Variants in ZFHX3 observed in about 807,000 individuals in gnomAD.
The protein encoded by ZFHX3 is zinc finger homeobox protein 3.
Under a neutral mutation model 279.1 loss-of-function variants are expected in ZFHX3, and 42 were observed. The ratio of observed to expected loss-of-function variants is 0.15; its 90% CI spans 0.12 to 0.19. The LOEUF is 0.19. Ranked by LOEUF, ZFHX3 falls within the 10% of genes least tolerant of loss-of-function variation. The pLI is 1.00. For synonymous variants in ZFHX3, 2,293 were observed against 1,957.8 expected, an observed-to-expected ratio of 1.17 and a Z score of -4.52; for missense variants, 4,981 against 4,754.0, an observed-to-expected ratio of 1.05 and a Z score of -1.40.
At chr16:73,519,981 G>A (rs978796346) in intron 2 of ZFHX3, among the ~76,000 whole-genome samples, 3 of 152,082 alleles carry the variant, frequency 2.0e-5, no homozygotes, top group Non-Finnish European at 2.9e-5. Flanking sequence ...TAAAATTATG[G>A]TATTTTAATA....
intron 5 of ZFHX3, among the ~76,000 whole-genome samples, chr16:73,210,402 A>G (rs2011969737): frequency 6.6e-6 from 1 of 152,098 alleles, no homozygotes; most frequent in Admixed American, 6.6e-5. Flanking sequence ...AGTTTGAAAA[A>G]ATATAAATAT....
chr16:72,848,051 C>T (rs1257772873), intron 4 of ZFHX3, among the ~76,000 whole-genome samples: 1 of 152,198 alleles, frequency 6.6e-6, no homozygotes, highest in African/African-American at 2.4e-5. Flanking sequence ...TGCCCCAAGA[C>T]TTCATCCATC....
chr16:73,168,680 G>A (rs1334185812), intron 5 of ZFHX3, among the ~76,000 whole-genome samples: 1 of 152,186 alleles, frequency 6.6e-6, no homozygotes, highest in Non-Finnish European at 1.5e-5. Context: ...TCCCCAGACT[G>A]TTGGGAATGT....
chr16:73,214,843 C>CATTT (rs781227170), intron 5 of ZFHX3, among the ~76,000 whole-genome samples: 1 of 79,250 alleles, frequency 1.3e-5, no homozygotes, highest in Non-Finnish European at 2.2e-5. Flanking sequence ...TGCTGAAGGC[C>CATTT]TTTTTTTTTT....
chr16:73,003,906 A>G (rs1435678950), intron 1 of ZFHX3, among the ~76,000 whole-genome samples: 2 of 151,252 alleles, frequency 1.3e-5, no homozygotes, highest in Non-Finnish European at 2.9e-5. Context: ...GAAAGGGTAT[A>G]CTAATTTTTA....
chr16:73,020,669 G>C (rs1597100241), intron 1 of ZFHX3, among the ~76,000 whole-genome samples: 1 of 152,306 alleles, frequency 6.6e-6, no homozygotes, highest in East Asian at 1.9e-4. Flanking sequence ...CCAATGTTGA[G>C]TTTGACTCAA....
intron 5 of ZFHX3, among the ~76,000 whole-genome samples, chr16:73,220,641 G>A (rs2144919895): frequency 6.6e-6 from 1 of 152,230 alleles, no homozygotes; most frequent in East Asian, 1.9e-4. Context: ...CAGTTTTTGT[G>A]CTATACAAAG....
At chr16:72,967,372 G>A (rs928955152) in intron 1 of ZFHX3, among the ~76,000 whole-genome samples, 1 of 152,100 alleles carries the variant, frequency 6.6e-6, no homozygotes, top group African/African-American at 2.4e-5. Flanking sequence ...GCCACATCAG[G>A]GACAACGTGA....
chr16:73,755,841 C>T (rs1228370578), intron 1 of ZFHX3, among the ~76,000 whole-genome samples: 5 of 152,176 alleles, frequency 3.3e-5, no homozygotes, highest in African/African-American at 1.2e-4. Context: ...GGATGAAAGA[C>T]CTACTTGGAG....
At chr16:73,861,155 G>A (rs1452914943) in intron 1 of ZFHX3, among the ~76,000 whole-genome samples, 1 of 151,816 alleles carries the variant, frequency 6.6e-6, no homozygotes, top group African/African-American at 2.4e-5. Flanking sequence ...TTGTACAGAT[G>A]GTCTTTTGCC....
chr16:72,884,383 C>A (rs1597344585), intron 4 of ZFHX3, among the ~76,000 whole-genome samples: 1 of 152,312 alleles, frequency 6.6e-6, no homozygotes, highest in South Asian at 2.1e-4. Flanking sequence ...TGATCGTGCA[C>A]CCTCTGTAAA....
At chr16:73,036,669 C>T (rs1283439036) in intron 1 of ZFHX3, among the ~76,000 whole-genome samples, 1 of 151,984 alleles carries the variant, frequency 6.6e-6, no homozygotes, top group Non-Finnish European at 1.5e-5. Flanking sequence ...CTGGGTGTAT[C>T]AGGGGAACTG....
intron 5 of ZFHX3, among the ~76,000 whole-genome samples, chr16:72,823,720 C>G (rs2036859991): frequency 6.6e-6 from 1 of 152,098 alleles, no homozygotes; most frequent in Non-Finnish European, 1.5e-5. Flanking sequence ...CTGTCCCTAC[C>G]CCAGTCATAA....
At chr16:73,210,433 A>G (rs1323881056) in intron 5 of ZFHX3, among the ~76,000 whole-genome samples, 2 of 152,254 alleles carry the variant, frequency 1.3e-5, no homozygotes, top group East Asian at 1.9e-4. Flanking sequence ...GGTAAAAAAA[A>G]TCCATTAAAT....
intron 3 of ZFHX3, among the ~76,000 whole-genome samples, chr16:72,891,418 C>G (rs73590763): frequency 0.072 from 11,029 of 152,194 alleles, 622 homozygotes; most frequent in East Asian, 0.21. Context: ...GACGACCCAA[C>G]AACAAAACTC....
intron 3 of ZFHX3, among the ~76,000 whole-genome samples, chr16:73,318,534 C>A (rs559822853): frequency 5.9e-5 from 9 of 151,336 alleles, no homozygotes; most frequent in African/African-American, 2.2e-4. Flanking sequence ...TTCTTTATTC[C>A]TTTTTCTTCT....
chr16:73,402,800 T>C (rs886156970), intron 3 of ZFHX3, among the ~76,000 whole-genome samples: 13 of 151,964 alleles, frequency 8.6e-5, no homozygotes, highest in Non-Finnish European at 4.4e-5. Context: ...TCAATATGAG[T>C]TACACAAAGC....
At chr16:73,696,994 A>G (rs1486058942) in intron 1 of ZFHX3, among the ~76,000 whole-genome samples, 1 of 152,236 alleles carries the variant, frequency 6.6e-6, no homozygotes, top group East Asian at 1.9e-4. Context: ...AAGGGACACG[A>G]TAGTTAATTT....
At chr16:73,786,472 C>T (rs1303759975) in intron 1 of ZFHX3, among the ~76,000 whole-genome samples, 1 of 152,086 alleles carries the variant, frequency 6.6e-6, no homozygotes, top group Non-Finnish European at 1.5e-5. Context: ...CTGGTTGTTT[C>T]TTCGGGATCT....
Sources: allele counts gnomAD v4.1 joint callset (sites outside exome capture counted in the v4.1 genomes callset), GRCh38; gene constraint gnomAD v4.1.1; transcripts MANE v1.5; gene names NCBI Gene and HGNC (gene_info 2026-07-23, HGNC 2026-07-21).